Variants in SOBP observed in about 807,000 individuals in gnomAD.
SOBP encodes sine oculis-binding protein homolog.
A neutral mutation model predicts 53.6 loss-of-function variants in SOBP; 4 were observed. The observed-to-expected ratio is 0.07, with a 90% confidence interval of 0.04 to 0.17. SOBP has a LOEUF of 0.17. Ranked by LOEUF, SOBP falls within the 10% of genes least tolerant of loss-of-function variation. The pLI, the probability that SOBP is intolerant of heterozygous loss-of-function variation, is 1.00. For missense variants in SOBP, 1,088 were observed against 1,204.7 expected (o/e 0.90, Z 1.43); for synonymous variants, 584 against 522.6 (o/e 1.12, Z -1.60).
chr6:107,537,029 C>T (rs1784019813), intron 4 of SOBP, among the ~76,000 whole-genome samples: 1 of 152,178 alleles, frequency 6.6e-6, no homozygotes, highest in African/African-American at 2.4e-5. Flanking sequence ...TCACTCTTTT[C>T]CCAGCCCATT....
At chr6:107,655,348 G>T (rs775224161) in intron 6 of SOBP, among the ~76,000 whole-genome samples, 49 of 151,954 alleles carry the variant, frequency 3.2e-4, no homozygotes, top group Non-Finnish European at 7.1e-4. Context: ...ACCAACAAGG[G>T]GGCTGCCCTG....
chr6:107,605,316 G>T (rs2115091441), intron 5 of SOBP, among the ~76,000 whole-genome samples: 1 of 152,382 alleles, frequency 6.6e-6, no homozygotes, highest in East Asian at 1.9e-4. Context: ...CATGGGGCTA[G>T]CAAACTGAAG....
chr6:107,650,557 T>C (rs987249002), intron 6 of SOBP, among the ~76,000 whole-genome samples: 15 of 152,240 alleles, frequency 9.9e-5, no homozygotes, highest in Non-Finnish European at 1.5e-5. Flanking sequence ...TATGGTGATT[T>C]GTGATCAGTG....
rs73762270 is a variant in SOBP, at chr6:107,582,860, C to T, written c.574-4220C>T. 1.1e-3 allele frequency among the ~76,000 whole-genome samples: 169 copies of T among 152,300 alleles called. 2 individuals carry two copies. Among genetic ancestry groups the T allele is most frequent in the African/African-American group, 3.7e-3 (152 of 41,554 alleles). On this transcript the variant is annotated intron_variant, in intron 4 of 6. Transcript: ENST00000317357. ...AGAGCCGACAGTGGGGTGGTCCACT[C>T]TCAAGAGGCAATTAGAGAATGCATT...
intron 5 of SOBP, among the ~76,000 whole-genome samples, chr6:107,607,934 T>C (rs574196135): frequency 7.4e-4 from 113 of 152,262 alleles, no homozygotes; most frequent in Non-Finnish European, 3.5e-4. Context: ...TTTGTAGCCA[T>C]GAATGTGCTG....
Position 107,506,256 on chromosome 6 carries a change from A to C in SOBP, c.250A>C (p.Lys84Gln), listed in dbSNP as rs756579444. 1.2e-6 allele frequency: 2 copies of C among 1,614,216 alleles called. No individual in the cohort carries two copies. The highest frequency in any genetic ancestry group is 1.7e-6 in the Non-Finnish European group (2 of 1,180,042). ...TTCTTTTACAGAAAATTCTTTGCCA[A>C]AACCAAAATTACCCGAGGACAGTGT... Reference protein sequence around the residue: ...ISVLKENSLPKPKLPEDSVIS... With the variant: ...ISVLKENSLPQPKLPEDSVIS... Residue 84 changes from lysine (K) to glutamine (Q), a missense_variant, in exon 3 of 7, where the codon AAA becomes CAA. This residue lies in a region of SOBP where 112 missense variants were observed against 117.9 expected (regional missense o/e 0.95). Coordinates refer to ENST00000317357, the MANE Select transcript of SOBP (RefSeq NM_018013.4).
intron 5 of SOBP, among the ~76,000 whole-genome samples, chr6:107,611,495 A>G (rs1237954139): frequency 1.3e-5 from 2 of 152,198 alleles, no homozygotes; most frequent in African/African-American, 4.8e-5. Context: ...ATATTTAAAC[A>G]TGACAGCCCT....
intron 1 of SOBP, among the ~76,000 whole-genome samples, chr6:107,494,900 C>G (rs546726908): frequency 3.3e-5 from 5 of 152,160 alleles, no homozygotes; most frequent in African/African-American, 1.2e-4. Context: ...GTCAATTGCA[C>G]AGACAATAAA....
chr6:107,562,593 A>G (rs1329136708), intron 4 of SOBP, among the ~76,000 whole-genome samples: 1 of 152,250 alleles, frequency 6.6e-6, no homozygotes, highest in African/African-American at 2.4e-5. Flanking sequence ...ATGTTTCATA[A>G]TAAAATCAGA....
chr6:107,583,353 C>G (rs1305766366), intron 4 of SOBP, among the ~76,000 whole-genome samples: 1 of 152,068 alleles, frequency 6.6e-6, no homozygotes, highest in East Asian at 1.9e-4. Flanking sequence ...CATGTTGAGT[C>G]TAAGAAGGAC....
At chr6:107,571,996 G>A (rs1216769616) in intron 4 of SOBP, among the ~76,000 whole-genome samples, 1 of 152,178 alleles carries the variant, frequency 6.6e-6, no homozygotes, top group Non-Finnish European at 1.5e-5. Context: ...ACATTTTACT[G>A]TAAGATGAAA....
chr6:107,637,627 T>C (rs1307152199), intron 6 of SOBP, among the ~76,000 whole-genome samples: 2 of 152,124 alleles, frequency 1.3e-5, no homozygotes, highest in African/African-American at 4.8e-5. Flanking sequence ...TCAGAAAGCA[T>C]TGGGAATTGT....
intron 5 of SOBP, among the ~76,000 whole-genome samples, chr6:107,629,507 A>G (rs1171756235): frequency 6.6e-6 from 1 of 152,230 alleles, no homozygotes; most frequent in Non-Finnish European, 1.5e-5. Flanking sequence ...ACCTCATGGC[A>G]TACTTTGGCC....
intron 3 of SOBP, among the ~76,000 whole-genome samples, chr6:107,532,909 C>G (rs1008585520): frequency 6.6e-6 from 1 of 152,198 alleles, no homozygotes; most frequent in African/African-American, 2.4e-5. Flanking sequence ...TCCTTTTTGA[C>G]TAAACGTGTT....
chr6:107,635,538 G>C lies in SOBP; in HGVS notation c.*3+69G>C. 1 of 1,587,492 alleles carries C rather than the reference G, an allele frequency of 6.3e-7. No individual in the cohort carries two copies. Among genetic ancestry groups the C allele is most frequent in the Admixed American group, 1.7e-5 (1 of 59,972 alleles). On this transcript the variant is annotated intron_variant, in intron 6 of 6. Transcript: ENST00000317357. This position sits in a 1 kb window ranked among gnomAD's most constrained non-coding sequence, Gnocchi z 4.5. ...CTCTCCTTACTTCTGACAAGGCAGA[G>C]GGGAGAGTTGTAATTATAGTCATGA... is the stretch of plus-strand genomic sequence containing the variant.
intron 5 of SOBP, among the ~76,000 whole-genome samples, chr6:107,594,900 A>G (rs1009363607): frequency 1.1e-4 from 16 of 152,192 alleles, no homozygotes; most frequent in African/African-American, 3.9e-4. Flanking sequence ...CTAGAGCTTG[A>G]CCCACATCTC....
At chr6:107,507,486 A>G (rs1250625951) in intron 3 of SOBP, among the ~76,000 whole-genome samples, 1 of 151,966 alleles carries the variant, frequency 6.6e-6, no homozygotes, top group Non-Finnish European at 1.5e-5. Flanking sequence ...TTGTATTTTT[A>G]GTAGAGACAG....
At chr6:107,508,712 G>A (rs1343491267) in intron 3 of SOBP, among the ~76,000 whole-genome samples, 1 of 152,164 alleles carries the variant, frequency 6.6e-6, no homozygotes, top group African/African-American at 2.4e-5. Flanking sequence ...TATAAAGTTT[G>A]CCTTATTGTG....
At chr6:107,532,896 C>G (rs1322407028) in intron 3 of SOBP, among the ~76,000 whole-genome samples, 1 of 152,234 alleles carries the variant, frequency 6.6e-6, no homozygotes, top group Non-Finnish European at 1.5e-5. Context: ...CCACGCACAT[C>G]TTTCCTTTTT....
Sources: allele counts gnomAD v4.1 joint callset (sites outside exome capture counted in the v4.1 genomes callset), GRCh38; gene constraint gnomAD v4.1.1; regional missense constraint gnomAD v4.1.1; non-coding constraint Gnocchi (gnomAD v3.1); transcripts MANE v1.5; gene names NCBI Gene and HGNC (gene_info 2026-07-23, HGNC 2026-07-21).